TJP1: variants seen among roughly 807,000 people sequenced by gnomAD.
TJP1 encodes the protein tight junction protein ZO-1.
TJP1 carries 43 observed loss-of-function variants against 194.2 expected under a neutral mutation model. The ratio of observed to expected loss-of-function variants is 0.22; its 90% CI spans 0.17 to 0.29. TJP1 has a LOEUF of 0.29. Ranked by LOEUF, TJP1 falls within the 10% of genes least tolerant of loss-of-function variation. The pLI, the probability that TJP1 is intolerant of heterozygous loss-of-function variation, is 1.00. For missense variants in TJP1, 1,971 were observed against 2,185.7 expected, an observed-to-expected ratio of 0.90 and a Z score of 1.96; for synonymous variants, 801 against 779.0, an observed-to-expected ratio of 1.03 and a Z score of -0.47.
intron 2 of TJP1, among the ~76,000 whole-genome samples, chr15:29,950,456 ACTCCACCTCCACCATGAC>A (rs2055703772): frequency 9.8e-6 from 1 of 101,692 alleles, no homozygotes; most frequent in South Asian, 3.4e-4. Context: ...TCCACCACCA[ACTCCACCTCCACCATGAC>A]CTCCACCTCC....
intron 2 of TJP1, among the ~76,000 whole-genome samples, chr15:29,945,505 T>C (rs997613627): frequency 2.0e-5 from 3 of 152,118 alleles, no homozygotes; most frequent in African/African-American, 7.2e-5. Context: ...AAAACCTCAC[T>C]TGCCAAGAAT....
At chr15:29,878,944 G>C (rs1467861560) in intron 2 of TJP1, among the ~76,000 whole-genome samples, 5 of 152,022 alleles carry the variant, frequency 3.3e-5, no homozygotes, top group African/African-American at 1.2e-4. Flanking sequence ...CCAACATGGT[G>C]AAACCCCGTC....
chr15:29,803,006 G>T (rs755182121), intron 1 of TJP1, among the ~76,000 whole-genome samples: 1 of 152,062 alleles, frequency 6.6e-6, no homozygotes, highest in Non-Finnish European at 1.5e-5. Flanking sequence ...TAACATTAAG[G>T]GGGGAGCAGG....
In TJP1 at chr15:29,733,096, GTTC is replaced by G; in HGVS notation, c.1731_1733del (p.Lys577del). On this transcript the variant is annotated inframe_deletion, in exon 13 of 28. Coordinates refer to ENST00000614355, the MANE Select transcript of TJP1 (RefSeq NM_001330239.4). Reference sequence around the variant, plus strand: ...GAGAAGTATCCAAGCATTCATACCTGTTCTTATTAGGGATGATGCCTCGTTCTA... The same window carrying G: ...GAGAAGTATCCAAGCATTCATACCTGTTATTAGGGATGATGCCTCGTTCTA... 1 of 1,612,606 alleles carries G rather than the reference GTTC, an allele frequency of 6.2e-7. No homozygotes were observed. The highest frequency in any genetic ancestry group is 8.5e-7 in the Non-Finnish European group (1 of 1,178,762).
Position 29,718,373 on chromosome 15 carries a change from G to T in TJP1, c.3769C>A (p.Pro1257Thr). Residue 1257 changes from proline to threonine, a missense_variant, in exon 21 of 28, where the codon CCA (proline) becomes ACA (threonine). Transcript: ENST00000614355. ...PPTQTEEEEDPAMKPQSVLTR... is the reference protein window; with the variant it reads ...PPTQTEEEEDTAMKPQSVLTR... Reference sequence around the variant, plus strand: ...AGTACAGACTGTGGCTTCATTGCTGGATCTTCCTCTTCTTCGGTTTGAGTT... The same window carrying T: ...AGTACAGACTGTGGCTTCATTGCTGTATCTTCCTCTTCTTCGGTTTGAGTT... 1 of 1,614,110 alleles carries T rather than the reference G, an allele frequency of 6.2e-7. No homozygotes were observed. The highest frequency in any genetic ancestry group is 1.6e-4 in the Middle Eastern group (1 of 6,062).
Position 29,719,916 on chromosome 15 carries a change from C to A in TJP1, c.2864G>T (p.Arg955Ile). The A allele has an allele frequency of 1.2e-6, 2 of 1,614,122 alleles. No homozygotes were observed. The highest frequency in any genetic ancestry group is 1.7e-6 in the Non-Finnish European group (2 of 1,180,018). ...VNHNVNLTNV[R>I]LEEPTPAPST... The stretch of plus-strand genomic sequence containing the variant: ...AGGAGCTGGGGTGGGCTCCTCCAGT[C>A]TGACATTAGTTAAATTTACATTATG... Residue 955 changes from arginine (R) to isoleucine (I), a missense_variant, in exon 20 of 28, where the codon AGA (arginine) becomes ATA (isoleucine). Physicochemically the swap from Arg to Ile is moderately conservative, Grantham distance 97. Around this residue, in one of 5 missense-constraint regions of TJP1, gnomAD observed 1,108 missense variants for 1,128.5 expected, o/e 0.98. Coordinates refer to ENST00000614355, the MANE Select transcript of TJP1 (RefSeq NM_001330239.4).
intron 2 of TJP1, among the ~76,000 whole-genome samples, chr15:29,796,438 G>A (rs1237173829): frequency 1.4e-5 from 2 of 142,272 alleles, no homozygotes; most frequent in African/African-American, 5.2e-5. Flanking sequence ...ATAGCGCCAA[G>A]AAACATGAGA....
At chr15:29,964,724 A>G (rs2056274352) in intron 1 of TJP1, among the ~76,000 whole-genome samples, 1 of 152,208 alleles carries the variant, frequency 6.6e-6, no homozygotes. Context: ...GTGTCCCCCA[A>G]AGGAAGCCAG....
chr15:29,772,195 G>A, intron 3 of TJP1, 29 bp from the exon 4 acceptor site: 1 of 1,373,966 alleles, frequency 7.3e-7, no homozygotes, highest in South Asian at 1.3e-5. Context: ...AAAATAATAT[G>A]TTAGAGAAAA....
chr15:29,734,241 G>A (rs371059689), intron 12 of TJP1, 33 bp downstream of exon 12: 1 of 1,472,568 alleles, frequency 6.8e-7, no homozygotes, highest in African/African-American at 1.4e-5. Flanking sequence ...AACTCTACAG[G>A]TTTATCTCCT....
Position 29,761,778 on chromosome 15 carries a change from G to T in TJP1, c.694-9C>A. On this transcript the variant is annotated splice_polypyrimidine_tract_variant and intron_variant, in intron 6 of 27. Coordinates refer to ENST00000614355, the MANE Select transcript of TJP1 (RefSeq NM_001330239.4). The stretch of plus-strand genomic sequence containing the variant: ...GTCACAGTACCATTTATCTGCAACA[G>T]AAAATAAATTACAGCTTGAAAGTAA... The T allele has an allele frequency of 6.6e-7, 1 of 1,520,696 alleles. No homozygotes were observed. Among genetic ancestry groups the T allele is most frequent in the Non-Finnish European group, 8.9e-7 (1 of 1,121,956 alleles). The allele number at this position is 1,520,696 out of a possible 1,614,324, so 94.2% of individuals were successfully genotyped here. A position where few individuals can be genotyped will look rare whatever the true frequency, so the allele number is the denominator to read the frequency against.
At chr15:29,929,566 G>C (rs570116902) in intron 2 of TJP1, among the ~76,000 whole-genome samples, 277 of 152,182 alleles carry the variant, frequency 1.8e-3, no homozygotes, top group African/African-American at 6.4e-3. Flanking sequence ...GTGTGGCGGT[G>C]AATGTCTGTA....
intron 2 of TJP1, among the ~76,000 whole-genome samples, chr15:29,904,128 G>A (rs2053727051): frequency 6.6e-6 from 1 of 152,110 alleles, no homozygotes; most frequent in South Asian, 2.1e-4. Context: ...GACCAGGGGT[G>A]GGCAAAGTGG....
At position 29,720,434 on chromosome 15, in the gene TJP1, G is replaced by A. The variant is rs749226763; in HGVS notation, c.2687C>T (p.Pro896Leu). 6.2e-7 allele frequency: 1 copy of A among 1,613,974 alleles called. No homozygotes were observed. Among genetic ancestry groups the A allele is most frequent in the Non-Finnish European group, 8.5e-7 (1 of 1,180,018 alleles). ...SGMHHENQTY[P>L]PYSPQAQPQP... is the part of the protein sequence containing the mutation. The stretch of plus-strand genomic sequence containing the variant: ...TGGCTGCGCTTGTGGTGAGTAAGGA[G>A]GATATGTTTGGTTTTCATGATGCAT... The change falls in exon 19 of 28, where the codon CCT becomes CTT. Residue 896 changes from proline (P) to leucine (L), a missense_variant. Pro to Leu is a moderately conservative substitution (Grantham distance 98). Transcript: ENST00000614355.
At chr15:29,786,375 A>C (rs917468206) in intron 2 of TJP1, among the ~76,000 whole-genome samples, 3 of 152,226 alleles carry the variant, frequency 2.0e-5, no homozygotes, top group Non-Finnish European at 4.4e-5. Flanking sequence ...GTTCTAAACA[A>C]ACATTGGCTC....
At position 29,718,998 on chromosome 15, in the gene TJP1, T is replaced by C; in HGVS notation, c.3144A>G (p.Lys1048=). Residue 1048 remains lysine (K), a synonymous_variant, in exon 21 of 28, where the codon AAA becomes AAG. Transcript: ENST00000614355. ...GCTGCTCGAGGTCTCTGCTGGCTTG[T>C]TTCTCTACGTATGGGAGTTGGGGTT... ...TYEPQLPYVE[K]QASRDLEQPT... is the part of the protein sequence containing the mutation. 6.2e-7 allele frequency: 1 copy of C among 1,614,188 alleles called. No homozygotes were observed. Among genetic ancestry groups the C allele is most frequent in the Non-Finnish European group, 8.5e-7 (1 of 1,180,028 alleles).
intron 7 of TJP1, 131 bp downstream of exon 7, chr15:29,761,470 T>C: frequency 3.0e-6 from 4 of 1,320,212 alleles, no homozygotes; most frequent in South Asian, 1.6e-5. Flanking sequence ...AAAAAATGTA[T>C]ATAAAACTTA....
chr15:29,801,543 G>C (rs2048785499), intron 1 of TJP1, among the ~76,000 whole-genome samples: 1 of 149,154 alleles, frequency 6.7e-6, no homozygotes, highest in African/African-American at 2.5e-5. Context: ...CTCACTGCAA[G>C]CTCCGCCTCC....
chr15:29,879,795 T>C (rs189833833), intron 2 of TJP1, among the ~76,000 whole-genome samples: 25 of 152,204 alleles, frequency 1.6e-4, no homozygotes, highest in Admixed American at 1.5e-3. Flanking sequence ...CACTGTAACC[T>C]CCACCTCCCA....
Sources: gnomAD v4.1 joint callset for allele counts (sites outside exome capture counted in the v4.1 genomes callset) on GRCh38, gnomAD v4.1.1 for gene constraint, gnomAD v4.1.1 regional missense constraint, MANE v1.5 for transcripts, NCBI Gene and HGNC (gene_info 2026-07-23, HGNC 2026-07-21) for gene names.